ZFAND3: variants seen among roughly 807,000 people sequenced by gnomAD.
The protein encoded by ZFAND3 is AN1-type zinc finger protein 3.
ZFAND3 carries 10 observed loss-of-function variants against 29.6 expected under a neutral mutation model. The observed-to-expected ratio is 0.34, with a 90% CI of 0.21 to 0.57. The LOEUF is 0.57. Ranked by LOEUF, ZFAND3 falls within the 20% of genes least tolerant of loss-of-function variation. The pLI is 0.86. For synonymous variants in ZFAND3, 128 were observed against 112.6 expected, an observed-to-expected ratio of 1.14 and a Z score of -0.87; for missense variants, 230 against 304.5, an observed-to-expected ratio of 0.76 and a Z score of 1.82.
intron 5 of ZFAND3, among the ~76,000 whole-genome samples, chr6:38,128,327 C>T (rs1171100293): frequency 5.9e-5 from 9 of 152,010 alleles, no homozygotes; most frequent in Admixed American, 5.9e-4. Flanking sequence ...CTGTGATTCC[C>T]CTCTTTTAAA....
intron 2 of ZFAND3, among the ~76,000 whole-genome samples, chr6:37,958,177 G>T (rs1350658207): frequency 6.6e-6 from 1 of 152,118 alleles, no homozygotes; most frequent in Non-Finnish European, 1.5e-5. Flanking sequence ...ATTTAGGCTG[G>T]GCATGATGGC....
rs139112119 is a variant in ZFAND3 at position 37,947,441 on chromosome 6, T to G, written c.112+17442T>G. The stretch of plus-strand genomic sequence containing the variant: ...TTACCTGAAATATTAGTTTCCTCAT[T>G]TGTCAAATTGGGGGTTACTATACCT... On this transcript the variant is annotated intron_variant, in intron 2 of 5. Coordinates refer to ENST00000287218, the MANE Select transcript of ZFAND3 (RefSeq NM_021943.3). 5.0e-3 allele frequency among the ~76,000 whole-genome samples: 761 copies of G among 152,254 alleles called. 9 individuals are homozygous for G. The highest frequency in any genetic ancestry group is 0.017 in the African/African-American group (703 of 41,552).
chr6:38,144,231 A>ATAATATATATATATAT lies in ZFAND3; in HGVS notation c.530-8003_530-8002insAATATATATATATATT, dbSNP rs1365246829. On this transcript the variant is annotated intron_variant, in intron 5 of 5. Transcript: ENST00000287218. ...TATATAATATATAATATATATATAT[A>ATAATATATATATATAT]TTTTTTTTTTAATAAGGTTGCTTGA... 1.1e-3 allele frequency among the ~76,000 whole-genome samples: 86 copies of ATAATATATATATATAT among 75,196 alleles called. 1 individual carries two copies. The highest frequency in any genetic ancestry group is 3.2e-3 in the African/African-American group (76 of 23,442). 49.3% of individuals were successfully genotyped at this position (75,196 alleles called of 152,430 possible).
At chr6:37,847,294 G>A (rs560684295) in intron 1 of ZFAND3, among the ~76,000 whole-genome samples, 31 of 152,042 alleles carry the variant, frequency 2.0e-4, no homozygotes, top group African/African-American at 7.5e-4. Flanking sequence ...CTCATCAATC[G>A]GCCGGGTGTG....
intron 4 of ZFAND3, among the ~76,000 whole-genome samples, chr6:38,090,492 CA>C (rs1431676574): frequency 6.6e-6 from 1 of 152,052 alleles, no homozygotes; most frequent in African/African-American, 2.4e-5. Context: ...GGGCAGGGGA[CA>C]AAAGGAATAT....
intron 1 of ZFAND3, among the ~76,000 whole-genome samples, chr6:37,900,656 A>G (rs1004891732): frequency 3.9e-5 from 6 of 152,200 alleles, no homozygotes; most frequent in African/African-American, 1.2e-4. Context: ...AACTCATTCA[A>G]CAAATACTTG....
chr6:37,892,081 G>A (rs776164370), intron 1 of ZFAND3, among the ~76,000 whole-genome samples: 1 of 152,134 alleles, frequency 6.6e-6, no homozygotes, highest in Non-Finnish European at 1.5e-5. Context: ...TATAGACAAC[G>A]TAGTAGGCCA....
intron 2 of ZFAND3, among the ~76,000 whole-genome samples, chr6:37,964,628 G>C (rs1162261209): frequency 2.0e-5 from 3 of 152,164 alleles, no homozygotes; most frequent in African/African-American, 7.2e-5. Flanking sequence ...CTTGAGCCTA[G>C]TTAAGTAGAC....
intron 4 of ZFAND3, among the ~76,000 whole-genome samples, chr6:38,096,224 G>A (rs1015822591): frequency 6.6e-6 from 1 of 151,272 alleles, no homozygotes; most frequent in African/African-American, 2.4e-5. Context: ...TCAGGCTGGA[G>A]TGCAGTGGTG....
chr6:38,138,274 G>A (rs1765881489), intron 5 of ZFAND3, among the ~76,000 whole-genome samples: 1 of 152,214 alleles, frequency 6.6e-6, no homozygotes, highest in South Asian at 2.1e-4. Context: ...CTGGGCTTCT[G>A]GAGAGGGTAA....
intron 1 of ZFAND3, among the ~76,000 whole-genome samples, chr6:37,858,536 GTTT>G: frequency 6.6e-6 from 1 of 152,256 alleles, no homozygotes; most frequent in Non-Finnish European, 1.5e-5. Context: ...GTGGAGAGTA[GTTT>G]TTTCCATAAA....
At chr6:37,969,804 A>T (rs573201441) in intron 2 of ZFAND3, among the ~76,000 whole-genome samples, 9 of 152,190 alleles carry the variant, frequency 5.9e-5, no homozygotes, top group African/African-American at 1.9e-4. Context: ...AGTATTTGGG[A>T]GATACTTACT....
intron 1 of ZFAND3, among the ~76,000 whole-genome samples, chr6:37,830,724 T>A (rs2127367776): frequency 6.6e-6 from 1 of 152,300 alleles, no homozygotes; most frequent in Non-Finnish European, 1.5e-5. Flanking sequence ...TTCCATTCCT[T>A]GGGATTGATT....
intron 2 of ZFAND3, among the ~76,000 whole-genome samples, chr6:38,012,879 G>C (rs1010495339): frequency 6.6e-6 from 1 of 152,076 alleles, no homozygotes; most frequent in African/African-American, 2.4e-5. Context: ...TGAGGGGCTT[G>C]TTGTTTTTTA....
At chr6:37,990,094 G>T (rs1483611034) in intron 2 of ZFAND3, among the ~76,000 whole-genome samples, 1 of 152,122 alleles carries the variant, frequency 6.6e-6, no homozygotes, top group Non-Finnish European at 1.5e-5. Flanking sequence ...TCATCTGGAG[G>T]GCTTGTTAAA....
intron 1 of ZFAND3, among the ~76,000 whole-genome samples, chr6:37,877,833 CAA>C (rs59222359): frequency 0.03 from 4,532 of 152,262 alleles, 174 homozygotes; most frequent in African/African-American, 0.086. Context: ...CCAAACCAGA[CAA>C]AGTCTTGGTC....
At chr6:38,050,154 C>G (rs902623942) in intron 2 of ZFAND3, among the ~76,000 whole-genome samples, 3 of 151,800 alleles carry the variant, frequency 2.0e-5, no homozygotes, top group African/African-American at 7.3e-5. Context: ...AGGGTTTCAC[C>G]GTGTTGCCCA....
intron 4 of ZFAND3, among the ~76,000 whole-genome samples, chr6:38,083,157 A>G (rs745705448): frequency 1.1e-4 from 16 of 152,162 alleles, no homozygotes; most frequent in Non-Finnish European, 2.4e-4. Flanking sequence ...GTCACAGAGT[A>G]TTTTTCATAA....
chr6:38,050,357 A>G (rs1222660695), intron 2 of ZFAND3, among the ~76,000 whole-genome samples: 1 of 151,872 alleles, frequency 6.6e-6, no homozygotes, highest in African/African-American at 2.4e-5. Flanking sequence ...CAATCCTCCT[A>G]CCTCAGCCTT....
Sources: allele counts gnomAD v4.1 joint callset (sites outside exome capture counted in the v4.1 genomes callset), GRCh38; gene constraint gnomAD v4.1.1; transcripts MANE v1.5; gene names NCBI Gene and HGNC (gene_info 2026-07-23, HGNC 2026-07-21).